The following AGFG1 variants were observed in gnomAD, a reference collection of about 807,000 sequenced individuals.
AGFG1 encodes arf-GAP domain and FG repeat-containing protein 1.
AGFG1 carries 10 observed loss-of-function variants against 60.6 expected under a neutral mutation model. The ratio of observed to expected loss-of-function variants is 0.16; its 90% CI spans 0.10 to 0.28. The LOEUF is 0.28. Among genes scored for constraint, AGFG1 ranks in the 10% least tolerant of loss-of-function variants. AGFG1 has a pLI of 1.00. For missense variants in AGFG1, 537 were observed against 676.5 expected (o/e 0.79, Z 2.29); for synonymous variants, 247 against 242.9 (o/e 1.02, Z -0.16).
chr2:227,521,657 CG>C (rs1691830547), intron 3 of AGFG1, among the ~76,000 whole-genome samples: 1 of 152,054 alleles, frequency 6.6e-6, no homozygotes, highest in Admixed American at 6.6e-5. Flanking sequence ...TTTTCTCAGC[CG>C]TGTTACTTTT....
At chr2:227,528,406 A>T (rs73083447) in intron 5 of AGFG1, among the ~76,000 whole-genome samples, 2,811 of 152,190 alleles carry the variant, frequency 0.018, 87 homozygotes, top group African/African-American at 0.064. Context: ...GAAAACATGG[A>T]GAACCTCTTT....
rs1056864371 is a variant in AGFG1, at chr2:227,554,877, A to C, written c.*382A>C. The C allele has an allele frequency of 1.3e-5, 2 of 158,006 alleles. No homozygotes were observed. Among genetic ancestry groups the C allele is most frequent in the African/African-American group, 4.8e-5 (2 of 41,626 alleles). 9.8% of individuals were successfully genotyped at this position (158,006 alleles called of 1,614,324 possible). Reference sequence around the variant, plus strand: ...ATGTTACTGGGGAAATAGATCAGCCACTTTTAAGGTGCTGTCATATATCTT... The same window carrying C: ...ATGTTACTGGGGAAATAGATCAGCCCCTTTTAAGGTGCTGTCATATATCTT... On this transcript the variant is annotated 3_prime_UTR_variant, in exon 13 of 13. Coordinates refer to ENST00000310078, the MANE Select transcript of AGFG1 (RefSeq NM_004504.5).
Position 227,494,807 on chromosome 2 carries a change from A to G in AGFG1, c.261+3167A>G, listed in dbSNP as rs868826871. Among the ~76,000 whole-genome samples, 12 of 152,374 alleles carry G rather than the reference A, an allele frequency of 7.9e-5. No individual in the cohort carries two copies. In the South Asian group the frequency reaches 1.7e-3, roughly 21 times the overall value. On this transcript the variant is annotated intron_variant, in intron 2 of 12. Coordinates refer to ENST00000310078, the MANE Select transcript of AGFG1 (RefSeq NM_004504.5). ...TATTGCCAAAGAAAGTCATGCTCCA[A>G]GCCCAGAATCAGAGTGAGAGGGGCT...
Position 227,497,730 on chromosome 2 carries a change from G to GTTTTTTTTTTTTTTTTTTTTTTTTTTTTT in AGFG1, c.261+6094_261+6095insTTTTTTTTTTTTTTTTTTTTTTTTTTTTT, listed in dbSNP as rs148621752. Among the ~76,000 whole-genome samples the GTTTTTTTTTTTTTTTTTTTTTTTTTTTTT allele has an allele frequency of 1.5e-4, 6 of 38,940 alleles. 1 individual carries two copies. Among genetic ancestry groups the GTTTTTTTTTTTTTTTTTTTTTTTTTTTTT allele is most frequent in the Admixed American group, 3.9e-4 (1 of 2,544 alleles). The allele number at this position is 38,940 out of a possible 152,430, so 25.5% of individuals were successfully genotyped here. On this transcript the variant is annotated intron_variant, in intron 2 of 12. Transcript: ENST00000310078. ...ATATAGCCAAATGAGTTTCTTTCTT[G>GTTTTTTTTTTTTTTTTTTTTTTTTTTTTT]TTTTGTTTTTTTTTTTTTTTTTTTT...
chr2:227,538,956 A>G (rs1414354294), intron 10 of AGFG1, among the ~76,000 whole-genome samples: 3 of 152,222 alleles, frequency 2.0e-5, no homozygotes, highest in Non-Finnish European at 4.4e-5. Flanking sequence ...ATTATAAGTC[A>G]TTTTGAATTT....
chr2:227,522,084 A>T (rs1006841819), intron 3 of AGFG1, among the ~76,000 whole-genome samples: 2 of 152,200 alleles, frequency 1.3e-5, no homozygotes, highest in African/African-American at 4.8e-5. Flanking sequence ...CTGTAACTAT[A>T]CTTAAAACAG....
chr2:227,483,298 T>C (rs1440894747), intron 1 of AGFG1, among the ~76,000 whole-genome samples: 1 of 152,230 alleles, frequency 6.6e-6, no homozygotes, highest in Non-Finnish European at 1.5e-5. Context: ...ATGATAAATT[T>C]AATTACTCTA....
At chr2:227,530,797 C>T (rs922900503) in intron 5 of AGFG1, among the ~76,000 whole-genome samples, 1 of 152,086 alleles carries the variant, frequency 6.6e-6, no homozygotes, top group Non-Finnish European at 1.5e-5. Flanking sequence ...GAAATAGTTT[C>T]CTTTGTTAAT....
chr2:227,508,240 T>C (rs10182259), intron 2 of AGFG1: 7,541 of 156,122 alleles, frequency 0.048, 255 homozygotes, highest in African/African-American at 0.1. Flanking sequence ...AACAAGACAA[T>C]AGAGTATCAG....
chr2:227,483,085 C>T (rs1329240836), intron 1 of AGFG1, among the ~76,000 whole-genome samples: 1 of 148,676 alleles, frequency 6.7e-6, no homozygotes, highest in Non-Finnish European at 1.5e-5. Context: ...ATGTGGTTTA[C>T]TTACCCAACA....
chr2:227,477,587 A>G (rs1372866375), intron 1 of AGFG1, among the ~76,000 whole-genome samples: 5 of 152,112 alleles, frequency 3.3e-5, no homozygotes, highest in Non-Finnish European at 7.4e-5. Context: ...TTCAAATGGC[A>G]GAAAAAAGAC....
At chr2:227,486,499 T>C (rs1347706105) in intron 1 of AGFG1, among the ~76,000 whole-genome samples, 10 of 152,222 alleles carry the variant, frequency 6.6e-5, no homozygotes, top group Non-Finnish European at 1.0e-4. Flanking sequence ...AACCAGTTCA[T>C]ATAAGAGTGC....
In AGFG1 at chr2:227,507,528, G is replaced by C. The variant is rs773408441; in HGVS notation, c.262-12420G>C. Among the ~76,000 whole-genome samples the C allele has an allele frequency of 5.9e-4, 89 of 150,704 alleles. 1 individual carries two copies. In the Middle Eastern group the frequency reaches 0.01, roughly 17 times the overall value. ...TGAGGCAGGAGAATGGCATGAACCC[G>C]GGAGGCGGAGCTTGCAGTGAGCCGA... On this transcript the variant is annotated intron_variant, in intron 2 of 12. Coordinates refer to ENST00000310078, the MANE Select transcript of AGFG1 (RefSeq NM_004504.5).
chr2:227,529,876 T>C (rs563455307), intron 5 of AGFG1, among the ~76,000 whole-genome samples: 4 of 152,006 alleles, frequency 2.6e-5, no homozygotes, highest in African/African-American at 9.6e-5. Flanking sequence ...ATACTAGATA[T>C]ATTGATTTTT....
At chr2:227,552,533 A>G (rs1413438347) in intron 11 of AGFG1, among the ~76,000 whole-genome samples, 2 of 152,166 alleles carry the variant, frequency 1.3e-5, no homozygotes, top group African/African-American at 4.8e-5. Context: ...TTTGGTAACT[A>G]TACTGTAGTT....
intron 2 of AGFG1, among the ~76,000 whole-genome samples, chr2:227,493,604 A>C (rs1690884600): frequency 6.6e-6 from 1 of 152,218 alleles, no homozygotes; most frequent in African/African-American, 2.4e-5. Flanking sequence ...AAATGTTATA[A>C]GTGACTGAAA....
At chr2:227,476,738 T>G (rs1377372864) in intron 1 of AGFG1, among the ~76,000 whole-genome samples, 2 of 152,190 alleles carry the variant, frequency 1.3e-5, no homozygotes, top group East Asian at 1.9e-4. Context: ...AATCAGATGC[T>G]CTTTTGGAGC....
chr2:227,483,548 T>C (rs1161399057), intron 1 of AGFG1, among the ~76,000 whole-genome samples: 1 of 152,212 alleles, frequency 6.6e-6, no homozygotes, highest in African/African-American at 2.4e-5. Flanking sequence ...AGGTTTTGTC[T>C]TTCCAAGAAT....
At chr2:227,508,795 G>A (rs1348457068) in intron 2 of AGFG1, 18 of 375,514 alleles carry the variant, frequency 4.8e-5, no homozygotes, top group Non-Finnish European at 3.1e-5. Context: ...TTTGTAAATA[G>A]TCAATAATTA....
Sources: allele counts gnomAD v4.1 joint callset (sites outside exome capture counted in the v4.1 genomes callset), GRCh38; gene constraint gnomAD v4.1.1; transcripts MANE v1.5; gene names NCBI Gene and HGNC (gene_info 2026-07-23, HGNC 2026-07-21).